The following MTMR10 variants were observed in gnomAD, a reference collection of about 807,000 sequenced individuals.
MTMR10 encodes myotubularin-related protein 10.
MTMR10 carries 56 observed loss-of-function variants against 88.1 expected under a neutral mutation model. The ratio of observed to expected loss-of-function variants is 0.64; its 90% CI spans 0.51 to 0.79. The LOEUF is 0.79. MTMR10 is among the 30% of genes least tolerant of loss of function. The pLI, the probability that MTMR10 is intolerant of heterozygous loss-of-function variation, is 0.00. For synonymous variants in MTMR10, 380 were observed against 340.9 expected (o/e 1.11, Z -1.26); for missense variants, 883 against 924.7 (o/e 0.95, Z 0.58).
At chr15:30,974,072 C>G (rs912866574) in intron 5 of MTMR10, among the ~76,000 whole-genome samples, 1 of 152,142 alleles carries the variant, frequency 6.6e-6, no homozygotes, top group South Asian at 2.1e-4. Flanking sequence ...CTAATTTCCA[C>G]GTAAGAGTCT....
chr15:30,980,304 G>T (rs1327902576), intron 2 of MTMR10, among the ~76,000 whole-genome samples: 2 of 152,184 alleles, frequency 1.3e-5, no homozygotes, highest in Admixed American at 1.3e-4. Context: ...TCTCACCAAT[G>T]AGCTACAGCA....
At chr15:30,990,656 CTT>C in intron 2 of MTMR10, 119 bp downstream of exon 2, 1 of 837,010 alleles carries the variant, frequency 1.2e-6, no homozygotes, top group Non-Finnish European at 1.9e-6. Flanking sequence ...AGTCACTAGA[CTT>C]TTAACTGGAG....
the MTMR10 span, chr15:30,927,250 T>C: frequency 6.4e-5 from 63 of 985,518 alleles, no homozygotes; most frequent in Non-Finnish European, 7.6e-5. Context: ...ATCTGGCCTT[T>C]ATATTCCTGC....
rs543325824 is a variant in MTMR10, at chr15:30,975,503, G to T, written c.259-500C>A. 7.4e-4 allele frequency among the ~76,000 whole-genome samples: 113 copies of T among 152,250 alleles called. 1 individual carries two copies. Among genetic ancestry groups the T allele is most frequent in the African/African-American group, 2.6e-3 (107 of 41,552 alleles). ...ACTGGTTTACTTTTTCCTAATAGTG[G>T]TACTGGATTTAAGCTGTTCCAGGTA... On this transcript the variant is annotated intron_variant, in intron 3 of 15. Transcript: ENST00000435680.
At chr15:30,945,582 T>C (rs1288525205) in intron 14 of MTMR10, among the ~76,000 whole-genome samples, 2 of 151,846 alleles carry the variant, frequency 1.3e-5, no homozygotes. Context: ...CGGGAGACAA[T>C]GGGGAAGAGC....
chr15:30,934,417 T>G (rs991221647), downstream of MTMR10, among the ~76,000 whole-genome samples: 2 of 152,232 alleles, frequency 1.3e-5, no homozygotes, highest in African/African-American at 4.8e-5. Flanking sequence ...ACATTTAATT[T>G]GATTATTGAT....
At chr15:30,927,372 A>G in the MTMR10 span, 1 of 985,538 alleles carries the variant, frequency 1.0e-6, no homozygotes, top group East Asian at 1.1e-4. Flanking sequence ...TCCTCCTGGA[A>G]GACTTGGCAA....
At chr15:30,975,149 T>C (rs1595940122) in intron 3 of MTMR10, 146 bp from the exon 4 acceptor site, 1 of 578,288 alleles carries the variant, frequency 1.7e-6, no homozygotes, top group Non-Finnish European at 3.0e-6. Context: ...GCCATTCCAA[T>C]GTTGACAGAT....
At chr15:30,968,104 G>A in intron 5 of MTMR10, 94 bp from the exon 6 acceptor site, 1 of 874,746 alleles carries the variant, frequency 1.1e-6, no homozygotes, top group Non-Finnish European at 1.8e-6. Context: ...ATCATCTTGG[G>A]GCAGTGATTA....
chr15:30,952,457 T>C (rs533523722), intron 11 of MTMR10, among the ~76,000 whole-genome samples: 14 of 152,326 alleles, frequency 9.2e-5, no homozygotes, highest in Admixed American at 7.2e-4. Flanking sequence ...CCTGAACTCC[T>C]GGCCTCAAGT....
chr15:30,947,302 T>C lies in MTMR10; in HGVS notation c.1378-2A>G. Reference sequence around the variant, plus strand: ...CAAGAATAGCAAAAATAAAGGAGACTGGCAAATACAAAGAGACAATGGGAT... The same window carrying C: ...CAAGAATAGCAAAAATAAAGGAGACCGGCAAATACAAAGAGACAATGGGAT... On this transcript the variant is annotated splice_acceptor_variant, in intron 13 of 15. Transcript: ENST00000435680. LOFTEE classifies it high-confidence loss of function. The C allele has an allele frequency of 1.9e-6, 3 of 1,612,608 alleles. No individual in the cohort carries two copies. The highest frequency in any genetic ancestry group is 2.5e-6 in the Non-Finnish European group (3 of 1,179,434).
chr15:30,948,212 AT>A (rs957499472), intron 13 of MTMR10, 89 bp downstream of exon 13: 37 of 1,255,162 alleles, frequency 2.9e-5, no homozygotes, highest in Admixed American at 5.7e-5. Flanking sequence ...TAAATACAGT[AT>A]TTTTTAAAAG....
chr15:30,919,064 G>C, the MTMR10 span, among the ~76,000 whole-genome samples: 2 of 152,166 alleles, frequency 1.3e-5, no homozygotes, highest in East Asian at 3.9e-4. Flanking sequence ...AAGTAAGCTA[G>C]GGAAAAGAAT....
At chr15:30,967,780 T>C (rs932841185) in intron 6 of MTMR10, 140 bp downstream of exon 6, 2 of 622,112 alleles carry the variant, frequency 3.2e-6, no homozygotes, top group Non-Finnish European at 5.3e-6. Context: ...TCTTTTAGCA[T>C]GTAGTGCTTA....
chr15:30,941,424 A>G lies in MTMR10; in HGVS notation c.*46T>C, dbSNP rs1439939432. Reference sequence around the variant, plus strand: ...TAGGTTAGCAATGTTAATTCAGAGGAAAAAAGTTGACAGCTTCCCTCAAAA... The same window carrying G: ...TAGGTTAGCAATGTTAATTCAGAGGGAAAAAGTTGACAGCTTCCCTCAAAA... On this transcript the variant is annotated 3_prime_UTR_variant, in exon 16 of 16. Coordinates refer to ENST00000435680, the MANE Select transcript of MTMR10 (RefSeq NM_017762.3). 3.8e-6 allele frequency: 6 copies of G among 1,566,572 alleles called. No homozygotes were observed. The South Asian group carries it at 6.1e-5, about 16-fold the overall frequency.
intron 14 of MTMR10, chr15:30,946,160 T>C (rs1344169496): frequency 1.3e-5 from 2 of 152,294 alleles, no homozygotes; most frequent in African/African-American, 2.4e-5. Flanking sequence ...GGATGCCCAT[T>C]AATTAAGTTC....
chr15:30,922,356 T>C, the MTMR10 span: 4 of 1,597,312 alleles, frequency 2.5e-6, no homozygotes, highest in Non-Finnish European at 3.4e-6. Context: ...CTGGAACCGG[T>C]ACTCAGTAAC....
intron 2 of MTMR10, among the ~76,000 whole-genome samples, chr15:30,987,223 C>G (rs1444407453): frequency 6.6e-6 from 1 of 152,174 alleles, no homozygotes; most frequent in Non-Finnish European, 1.5e-5. Context: ...GAAAGTTAGT[C>G]TGTGTGTGTG....
At chr15:30,928,919 G>A in the MTMR10 span, 2 of 474,088 alleles carry the variant, frequency 4.2e-6, no homozygotes, top group Non-Finnish European at 5.5e-6. Flanking sequence ...CAGCCCTCCC[G>A]AGCACCTGCC....
Sources: allele counts gnomAD v4.1 joint callset (sites outside exome capture counted in the v4.1 genomes callset), GRCh38; gene constraint gnomAD v4.1.1; transcripts MANE v1.5; gene names NCBI Gene and HGNC (gene_info 2026-07-23, HGNC 2026-07-21).